Variants in GPC5 observed in about 807,000 individuals in gnomAD.
The protein encoded by GPC5 is glypican-5.
Under a neutral mutation model 53.9 loss-of-function variants are expected in GPC5, and 47 were observed. The observed-to-expected ratio is 0.87, with a 90% CI of 0.69 to 1.11. GPC5 has a LOEUF of 1.11. GPC5 is among the 50% of genes most tolerant of loss of function. GPC5 has a pLI of 0.00. For missense variants in GPC5, 748 were observed against 713.1 expected, an observed-to-expected ratio of 1.05 and a Z score of -0.56; for synonymous variants, 286 against 263.3, an observed-to-expected ratio of 1.09 and a Z score of -0.84.
At chr13:92,107,244 T>C (rs2041517411) in intron 6 of GPC5, among the ~76,000 whole-genome samples, 1 of 152,076 alleles carries the variant, frequency 6.6e-6, no homozygotes, top group African/African-American at 2.4e-5. Flanking sequence ...AAGACCCTTC[T>C]CTCCCTTCAA....
intron 5 of GPC5, among the ~76,000 whole-genome samples, chr13:91,832,711 C>T (rs143704090): frequency 2.4e-4 from 37 of 152,186 alleles, no homozygotes; most frequent in Non-Finnish European, 4.3e-4. Context: ...AAAGACACAA[C>T]GTACCAGAAT....
intron 7 of GPC5, among the ~76,000 whole-genome samples, chr13:92,499,423 G>A (rs901358777): frequency 3.3e-5 from 5 of 152,118 alleles, no homozygotes; most frequent in Middle Eastern, 3.2e-3. Flanking sequence ...TCAATAGGAA[G>A]ATAATTTTCC....
chr13:92,516,012 A>G (rs930912178), intron 7 of GPC5, among the ~76,000 whole-genome samples: 6 of 152,136 alleles, frequency 3.9e-5, no homozygotes, highest in African/African-American at 1.2e-4. Context: ...ATTAAATCAT[A>G]TATTCTGTAT....
At chr13:92,607,953 GGATGAAGAC>G in intron 7 of GPC5, among the ~76,000 whole-genome samples, 1 of 152,200 alleles carries the variant, frequency 6.6e-6, no homozygotes. Context: ...AAGATAATGA[GGATGAAGAC>G]CTTTATAACT....
chr13:91,975,298 C>A (rs924415177), intron 6 of GPC5, among the ~76,000 whole-genome samples: 2 of 152,118 alleles, frequency 1.3e-5, no homozygotes, highest in Non-Finnish European at 2.9e-5. Flanking sequence ...AGAGCTTCTG[C>A]ACAGCAAAAG....
chr13:91,664,131 A>G (rs967493566), intron 2 of GPC5, among the ~76,000 whole-genome samples: 4 of 152,236 alleles, frequency 2.6e-5, no homozygotes, highest in African/African-American at 9.6e-5. Context: ...ACTTGCAGCA[A>G]TAATGTCACA....
intron 5 of GPC5, among the ~76,000 whole-genome samples, chr13:91,823,008 A>T (rs912515610): frequency 3.3e-5 from 5 of 152,124 alleles, no homozygotes; most frequent in Admixed American, 6.5e-5. Flanking sequence ...ACCCAAATAA[A>T]GTGTCTTAAA....
chr13:92,271,178 CA>C (rs1420682895), intron 7 of GPC5, among the ~76,000 whole-genome samples: 1 of 152,110 alleles, frequency 6.6e-6, no homozygotes, highest in Non-Finnish European at 1.5e-5. Flanking sequence ...GAACAATGTC[CA>C]AGTAACTTTC....
chr13:92,520,582 C>T (rs186797169), intron 7 of GPC5, among the ~76,000 whole-genome samples: 1 of 152,020 alleles, frequency 6.6e-6, no homozygotes, highest in Non-Finnish European at 1.5e-5. Context: ...ATTCAACAGC[C>T]CTTCATGCTA....
At chr13:91,920,931 T>C (rs1209515485) in intron 6 of GPC5, among the ~76,000 whole-genome samples, 1 of 123,242 alleles carries the variant, frequency 8.1e-6, no homozygotes, top group African/African-American at 3.7e-5. Flanking sequence ...TCTCTCTTTT[T>C]TTTTTTTTTT....
At chr13:92,852,755 T>C (rs571994358) in intron 7 of GPC5, among the ~76,000 whole-genome samples, 1 of 152,092 alleles carries the variant, frequency 6.6e-6, no homozygotes, top group Non-Finnish European at 1.5e-5. Flanking sequence ...AAGCTCCTAC[T>C]TGGCAGTTTG....
intron 7 of GPC5, among the ~76,000 whole-genome samples, chr13:92,643,208 T>A (rs200459293): frequency 2.0e-5 from 3 of 152,118 alleles, no homozygotes; most frequent in Non-Finnish European, 4.4e-5. Context: ...TCTTTTGCTG[T>A]GCAGAAGCTC....
intron 7 of GPC5, among the ~76,000 whole-genome samples, chr13:92,618,100 C>A (rs1287865399): frequency 1.3e-5 from 2 of 152,134 alleles, no homozygotes; most frequent in East Asian, 3.8e-4. Context: ...AAACTAAGAA[C>A]AGTAGCTAGA....
At chr13:91,537,874 GATAC>G (rs1886662008) in intron 2 of GPC5, among the ~76,000 whole-genome samples, 1 of 152,170 alleles carries the variant, frequency 6.6e-6, no homozygotes, top group South Asian at 2.1e-4. Flanking sequence ...TCAACTCGTA[GATAC>G]ATACACAGGA....
chr13:91,804,372 C>T (rs1308673504), intron 5 of GPC5, among the ~76,000 whole-genome samples: 1 of 152,186 alleles, frequency 6.6e-6, no homozygotes, highest in African/African-American at 2.4e-5. Context: ...GGTCCTTGCT[C>T]CCCCAACATC....
intron 7 of GPC5, among the ~76,000 whole-genome samples, chr13:92,288,369 T>C (rs2042970834): frequency 6.6e-6 from 1 of 152,192 alleles, no homozygotes; most frequent in South Asian, 2.1e-4. Flanking sequence ...ATGTGGTAAC[T>C]CTGGAATTCA....
intron 5 of GPC5, among the ~76,000 whole-genome samples, chr13:91,823,762 A>G (rs2038532306): frequency 6.6e-6 from 1 of 151,838 alleles, no homozygotes; most frequent in South Asian, 2.1e-4. Context: ...TGTCATAATC[A>G]CTCTTTGTCT....
At chr13:92,289,444 CTT>C (rs1195313230) in intron 7 of GPC5, among the ~76,000 whole-genome samples, 4 of 151,952 alleles carry the variant, frequency 2.6e-5, no homozygotes, top group East Asian at 1.9e-4. Context: ...TTATGAATGA[CTT>C]ATGTTAAATA....
At chr13:91,638,485 C>A (rs528217877) in intron 2 of GPC5, among the ~76,000 whole-genome samples, 1 of 152,178 alleles carries the variant, frequency 6.6e-6, no homozygotes, top group African/African-American at 2.4e-5. Context: ...CCTACCCCAG[C>A]GTCCCAAGTA....
Sources: gnomAD v4.1 joint callset for allele counts (sites outside exome capture counted in the v4.1 genomes callset) on GRCh38, gnomAD v4.1.1 for gene constraint, MANE v1.5 for transcripts, NCBI Gene and HGNC (gene_info 2026-07-23, HGNC 2026-07-21) for gene names.